The following PTPRG variants were observed in gnomAD, a reference collection of about 807,000 sequenced individuals.
PTPRG encodes the protein protein tyrosine phosphatase receptor type G.
A neutral mutation model predicts 165.3 loss-of-function variants in PTPRG; 102 were observed. That is an observed-to-expected ratio of 0.62 (90% CI 0.53 to 0.73). The LOEUF (loss-of-function observed/expected upper bound fraction) is 0.73. PTPRG is among the 30% of genes least tolerant of loss of function. The pLI is 0.00. For missense variants in PTPRG, 1,866 were observed against 1,861.4 expected, an observed-to-expected ratio of 1.00 and a Z score of -0.05; for synonymous variants, 675 against 669.5, an observed-to-expected ratio of 1.01 and a Z score of -0.13.
At chr3:61,680,745 T>TGAGATTGAGTTA in intron 1 of PTPRG, among the ~76,000 whole-genome samples, 4 of 136,602 alleles carry the variant, frequency 2.9e-5, no homozygotes, top group African/African-American at 7.6e-5. Flanking sequence ...TCAGGTGTGG[T>TGAGATTGAGTTA]ACAGGTTGCA....
In PTPRG at chr3:62,120,968, G is replaced by T. The variant is rs182381068; in HGVS notation, c.616-11634G>T. Among the ~76,000 whole-genome samples the T allele has an allele frequency of 8.6e-5, 13 of 151,714 alleles. No individual in the cohort carries two copies. The East Asian group carries it at 2.2e-3, about 25-fold the overall frequency. On this transcript the variant is annotated intron_variant, in intron 5 of 29. Coordinates refer to ENST00000474889, the MANE Select transcript of PTPRG (RefSeq NM_002841.4). ...TATAGCTATAGGTTTTTTTTCACAA[G>T]ACAGCCAGCTCTGTCGCCCAGGCTG...
intron 1 of PTPRG, among the ~76,000 whole-genome samples, chr3:61,674,953 G>A (rs6808749): frequency 0.052 from 7,857 of 152,246 alleles, 448 homozygotes; most frequent in African/African-American, 0.14. Flanking sequence ...TCGTTCTTTT[G>A]TGCATTTAAT....
chr3:62,191,412 G>C (rs531344999), intron 8 of PTPRG, 57 bp from the exon 9 acceptor site: 10 of 1,546,440 alleles, frequency 6.5e-6, no homozygotes, highest in Non-Finnish European at 7.0e-6. Flanking sequence ...TTAGGGGCAC[G>C]GATTGAATGG....
intron 1 of PTPRG, among the ~76,000 whole-genome samples, chr3:61,621,051 A>ATGTGTGTGTGTGTGTGTGTG (rs1173192341): frequency 2.9e-4 from 34 of 117,886 alleles, no homozygotes; most frequent in East Asian, 8.4e-4. Context: ...ATATATATAT[A>ATGTGTGTGTGTGTGTGTGTG]TGTGTGTGTG....
chr3:61,564,498 A>C (rs1699857624), intron 1 of PTPRG, among the ~76,000 whole-genome samples: 4 of 152,026 alleles, frequency 2.6e-5, no homozygotes, highest in Admixed American at 2.0e-4. Context: ...TTTCGCGCCC[A>C]CGCTGCGAGG....
chr3:62,153,918 T>G (rs551601815), intron 6 of PTPRG, among the ~76,000 whole-genome samples: 3 of 152,336 alleles, frequency 2.0e-5, no homozygotes, highest in Admixed American at 2.0e-4. Context: ...ATGTCAGTTT[T>G]CAGCCCTGAA....
At chr3:62,201,583 C>T (rs745949726) in intron 11 of PTPRG, 29 bp downstream of exon 11, 23 of 1,602,628 alleles carry the variant, frequency 1.4e-5, no homozygotes, top group Middle Eastern at 1.7e-4. Context: ...ATTGCTTTGT[C>T]GTGGCTGGTT....
intron 4 of PTPRG, among the ~76,000 whole-genome samples, chr3:62,069,156 T>C (rs1022805276): frequency 6.6e-6 from 1 of 152,216 alleles, no homozygotes. Flanking sequence ...CAGGACATAT[T>C]GTAAGAGAAA....
chr3:61,625,866 C>T (rs1304384619), intron 1 of PTPRG, among the ~76,000 whole-genome samples: 3 of 152,160 alleles, frequency 2.0e-5, no homozygotes, highest in African/African-American at 7.2e-5. Context: ...AGAACTTACT[C>T]CATTTAAACT....
chr3:62,013,578 C>T (rs1191729688), intron 4 of PTPRG, among the ~76,000 whole-genome samples: 10 of 152,172 alleles, frequency 6.6e-5, no homozygotes, highest in Non-Finnish European at 1.3e-4. Context: ...TCTGCTCTTG[C>T]AGCAGGGCTT....
intron 4 of PTPRG, among the ~76,000 whole-genome samples, chr3:62,069,327 T>C (rs1304919338): frequency 6.6e-6 from 1 of 152,184 alleles, no homozygotes; most frequent in Admixed American, 6.5e-5. Context: ...CCGGTCTTAT[T>C]CTATAGCAAA....
At chr3:61,926,754 A>G (rs573459120) in intron 2 of PTPRG, among the ~76,000 whole-genome samples, 76 of 152,100 alleles carry the variant, frequency 5.0e-4, no homozygotes, top group Non-Finnish European at 9.3e-4. Context: ...GATATCTCAG[A>G]TTTAATCCAC....
intron 2 of PTPRG, among the ~76,000 whole-genome samples, chr3:61,760,159 A>G (rs1244546511): frequency 6.6e-6 from 1 of 152,170 alleles, no homozygotes; most frequent in Admixed American, 6.5e-5. Flanking sequence ...CAGGATTGAA[A>G]AGCCTCTTGT....
intron 4 of PTPRG, among the ~76,000 whole-genome samples, chr3:62,027,573 A>G (rs138424675): frequency 1.3e-5 from 2 of 152,190 alleles, no homozygotes; most frequent in East Asian, 3.9e-4. Context: ...AAGCCTCTAC[A>G]CCCTGCAAAA....
Position 62,215,556 on chromosome 3 carries a change from C to G in PTPRG, c.2156-3295C>G, listed in dbSNP as rs1399100311. Reference sequence around the variant, plus strand: ...CAACCCCCTACGGGAACCCCCCCCCCCCGCCAATTATTACACACTTTCACC... The same window carrying G: ...CAACCCCCTACGGGAACCCCCCCCCGCCGCCAATTATTACACACTTTCACC... On this transcript the variant is annotated intron_variant, in intron 12 of 29. Coordinates refer to ENST00000474889, the MANE Select transcript of PTPRG (RefSeq NM_002841.4). Among the ~76,000 whole-genome samples the G allele has an allele frequency of 1.3e-4, 19 of 144,410 alleles. 1 individual carries two copies. In the East Asian group the frequency reaches 2.0e-3, roughly 16 times the overall value. 94.7% of individuals were successfully genotyped at this position (144,410 alleles called of 152,430 possible). A position where few individuals can be genotyped will look rare whatever the true frequency, so the allele number is the denominator to read the frequency against.
At chr3:61,945,463 G>A (rs2039733786) in intron 2 of PTPRG, among the ~76,000 whole-genome samples, 2 of 149,072 alleles carry the variant, frequency 1.3e-5, no homozygotes, top group Admixed American at 6.8e-5. Context: ...GGAGGCTGCG[G>A]CAGGAGAATT....
chr3:62,039,076 A>G (rs900433102), intron 4 of PTPRG, among the ~76,000 whole-genome samples: 1 of 152,156 alleles, frequency 6.6e-6, no homozygotes, highest in Non-Finnish European at 1.5e-5. Flanking sequence ...CTGGAACTAC[A>G]GGCACATGCC....
chr3:62,121,384 G>T (rs963654217), intron 5 of PTPRG, among the ~76,000 whole-genome samples: 4 of 152,008 alleles, frequency 2.6e-5, no homozygotes, highest in Non-Finnish European at 5.9e-5. Flanking sequence ...TTTTCAGGGG[G>T]GTGATCTCAA....
chr3:62,262,801 G>A lies in PTPRG; in HGVS notation c.2563G>A (p.Val855Ile), dbSNP rs1402049795. Residue 855 changes from valine (V) to isoleucine (I), a missense_variant, in exon 17 of 30, where the codon GTC (valine) becomes ATC (isoleucine). Transcript: ENST00000474889. ...ATCTTGCTGTTTTCTTCACTAGGAA[G>A]TCCAGCGCTGTACTGCTGATATGAA... ...QHGFSEDFEE[V>I]QRCTADMNIT... 1.2e-6 allele frequency: 2 copies of A among 1,611,248 alleles called. No individual in the cohort carries two copies. The highest frequency in any genetic ancestry group is 1.3e-5 in the African/African-American group (1 of 74,784).
Sources: allele counts gnomAD v4.1 joint callset (sites outside exome capture counted in the v4.1 genomes callset), GRCh38; gene constraint gnomAD v4.1.1; transcripts MANE v1.5; gene names NCBI Gene and HGNC (gene_info 2026-07-23, HGNC 2026-07-21).